SMPD3: variants seen among roughly 807,000 people sequenced by gnomAD.
The protein encoded by SMPD3 is sphingomyelin phosphodiesterase 3.
SMPD3 carries 21 observed loss-of-function variants against 55.7 expected under a neutral mutation model. The ratio of observed to expected loss-of-function variants is 0.38; its 90% confidence interval spans 0.27 to 0.54. The LOEUF is 0.54. Among genes scored for constraint, SMPD3 ranks in the 20% least tolerant of loss-of-function variants. The pLI, the probability that SMPD3 is intolerant of heterozygous loss-of-function variation, is 0.80. For synonymous variants in SMPD3, 457 were observed against 404.3 expected (o/e 1.13, Z -1.56); for missense variants, 842 against 899.6 (o/e 0.94, Z 0.82).
At chr16:68,425,190 A>G (rs1035595273) in intron 1 of SMPD3, among the ~76,000 whole-genome samples, 7 of 152,232 alleles carry the variant, frequency 4.6e-5, no homozygotes, top group Non-Finnish European at 8.8e-5. Context: ...AAGGGCCAGA[A>G]TTAGAACCTC....
chr16:68,364,501 A>G, intron 5 of SMPD3: 2 of 495,678 alleles, frequency 4.0e-6, no homozygotes, highest in South Asian at 3.1e-5. Flanking sequence ...TCTGCTTCAG[A>G]GGCCCCCAGC....
chr16:68,375,189 C>T (rs891692901), intron 2 of SMPD3, among the ~76,000 whole-genome samples: 4 of 152,090 alleles, frequency 2.6e-5, no homozygotes, highest in Non-Finnish European at 5.9e-5. Context: ...TCCTCCCAGA[C>T]ACAGCCGATT....
intron 1 of SMPD3, among the ~76,000 whole-genome samples, chr16:68,420,812 G>A (rs1028010605): frequency 2.0e-5 from 3 of 152,186 alleles, no homozygotes; most frequent in East Asian, 1.9e-4. Flanking sequence ...CACTTTGTAA[G>A]CATTAATTAA....
intron 1 of SMPD3, among the ~76,000 whole-genome samples, chr16:68,397,869 A>T (rs2090173037): frequency 6.6e-6 from 1 of 152,086 alleles, no homozygotes; most frequent in South Asian, 2.1e-4. Flanking sequence ...TCCTGGCACC[A>T]CCCCAGAGGT....
intron 2 of SMPD3, among the ~76,000 whole-genome samples, chr16:68,374,609 G>A (rs1010084435): frequency 6.6e-6 from 1 of 152,026 alleles, no homozygotes; most frequent in Admixed American, 6.5e-5. Flanking sequence ...TCTGGCTTGG[G>A]AGACTCCAGG....
At chr16:68,376,777 C>T (rs1186589598) in intron 2 of SMPD3, among the ~76,000 whole-genome samples, 1 of 152,174 alleles carries the variant, frequency 6.6e-6, no homozygotes, top group Non-Finnish European at 1.5e-5. Flanking sequence ...GGGAGTCAGC[C>T]CCGACCTAGA....
Position 68,364,906 on chromosome 16 carries a change from T to C in SMPD3, c.1400A>G (p.Glu467Gly), listed in dbSNP as rs2151974698. 1.2e-6 allele frequency: 2 copies of C among 1,613,430 alleles called. No homozygotes were observed. The highest frequency in any genetic ancestry group is 2.7e-5 in the African/African-American group (2 of 75,048). Residue 467 changes from glutamate to glycine, a missense_variant and splice_region_variant, in exon 5 of 9, where the codon GAG becomes GGG. Coordinates refer to ENST00000219334, the MANE Select transcript of SMPD3 (RefSeq NM_018667.4). ...CTGCCCACACCGGATGGCGCTGTCCTCTGCAGGGCAGAAGTACAGAGACTG... is the reference window on the plus strand; with the variant it reads ...CTGCCCACACCGGATGGCGCTGTCCCCTGCAGGGCAGAAGTACAGAGACTG... ...IACTHLHAPQ[E>G]DSAIRCGQLD...
Position 68,361,305 on chromosome 16 carries a change from C to T in SMPD3, c.1869G>A (p.Glu623=). ...GGGTGATAAAACTGAATTCTTCCAC[C>T]TCCTGGGGTGAGTGGGAGAGGGGAG... ...EEGLCPDWKA[E]VEEFSFITQL... Residue 623 remains glutamate, a splice_region_variant and synonymous_variant, in exon 9 of 9, where the codon GAG becomes GAA. Transcript: ENST00000219334. The T allele has an allele frequency of 6.2e-7, 1 of 1,610,008 alleles. No homozygotes were observed. Among genetic ancestry groups the T allele is most frequent in the Admixed American group, 1.7e-5 (1 of 59,658 alleles).
At position 68,361,141 on chromosome 16, in the gene SMPD3, G is replaced by A; in HGVS notation, c.*65C>T. On this transcript the variant is annotated 3_prime_UTR_variant, in exon 9 of 9. Transcript: ENST00000219334. ...CCCAAGCACCGGGCACTCGATGGAG[G>A]GGACATGGCCCAGGGATGGGCTGCA... The A allele has an allele frequency of 2.0e-6, 3 of 1,463,640 alleles. No individual in the cohort carries two copies. The highest frequency in any genetic ancestry group is 2.4e-5 in the East Asian group (1 of 41,986). The allele number at this position is 1,463,640 out of a possible 1,614,324, so 90.7% of individuals were successfully genotyped here. A position where few individuals can be genotyped will look rare whatever the true frequency, so the allele number is the denominator to read the frequency against.
intron 2 of SMPD3, among the ~76,000 whole-genome samples, chr16:68,377,067 T>C (rs2089835129): frequency 6.6e-6 from 1 of 152,126 alleles, no homozygotes. Flanking sequence ...GGCACGGTTC[T>C]GGGGGTCACT....
rs1233489627 is a variant in SMPD3, at chr16:68,365,049, T to C, written c.1367A>G (p.Tyr456Cys). The part of the protein sequence containing the change: ...STPQDQRIVG[Y>C]IACTHLHAPQ... ...GGCATGCAGGTGTGTGCAGGCGATG[T>C]ACCCGACGATTCTTTGGTCCTGAGG... The change falls in exon 4 of 9, where the codon TAC becomes TGC. Residue 456 changes from tyrosine (Y) to cysteine (C), a missense_variant. Coordinates refer to ENST00000219334, the MANE Select transcript of SMPD3 (RefSeq NM_018667.4). 2 of 1,614,006 alleles carry C rather than the reference T, an allele frequency of 1.2e-6. No homozygotes were observed. Among genetic ancestry groups the C allele is most frequent in the Admixed American group, 3.3e-5 (2 of 59,998 alleles).
chr16:68,392,034 G>A (rs1194249296), intron 1 of SMPD3, among the ~76,000 whole-genome samples: 3 of 151,962 alleles, frequency 2.0e-5, no homozygotes, highest in Non-Finnish European at 4.4e-5. Flanking sequence ...TGGGATTACA[G>A]GTGCCCACCA....
chr16:68,405,245 AG>A (rs1427478882), intron 1 of SMPD3, among the ~76,000 whole-genome samples: 3 of 152,060 alleles, frequency 2.0e-5, no homozygotes, highest in African/African-American at 7.2e-5. Context: ...ATTCCTTGGC[AG>A]GTTTCATTAA....
chr16:68,431,515 G>A (rs373228340), intron 1 of SMPD3, among the ~76,000 whole-genome samples: 16 of 152,168 alleles, frequency 1.1e-4, no homozygotes, highest in East Asian at 3.9e-4. Context: ...CATTTATAAT[G>A]TGCATGGGGC....
intron 2 of SMPD3, among the ~76,000 whole-genome samples, chr16:68,379,826 G>A (rs1321876993): frequency 6.6e-6 from 1 of 152,242 alleles, no homozygotes; most frequent in African/African-American, 2.4e-5. Flanking sequence ...CCTTCAACCA[G>A]CCAGCCTCGG....
At chr16:68,368,265 A>G (rs2089545079) in intron 3 of SMPD3, 2 of 150,402 alleles carry the variant, frequency 1.3e-5, no homozygotes, top group Non-Finnish European at 3.0e-5. Flanking sequence ...GGACCAAGAC[A>G]AGCAGGGGCC....
intron 1 of SMPD3, among the ~76,000 whole-genome samples, chr16:68,426,173 A>T (rs185061271): frequency 1.3e-5 from 2 of 152,330 alleles, no homozygotes; most frequent in Admixed American, 1.3e-4. Context: ...TCTAAATAGG[A>T]CGTTTACATG....
At chr16:68,387,616 A>C (rs989966660) in intron 1 of SMPD3, among the ~76,000 whole-genome samples, 7 of 152,152 alleles carry the variant, frequency 4.6e-5, no homozygotes, top group African/African-American at 1.7e-4. Flanking sequence ...CCCCTGTCTC[A>C]GGCCCAGTCT....
At chr16:68,370,049 A>G (rs565313506) in intron 3 of SMPD3, 16 of 152,360 alleles carry the variant, frequency 1.1e-4, no homozygotes, top group African/African-American at 3.1e-4. Context: ...TGCTGCATCC[A>G]CTGGCCAAAT....
Sources: gnomAD v4.1 joint callset for allele counts (sites outside exome capture counted in the v4.1 genomes callset) on GRCh38, gnomAD v4.1.1 for gene constraint, MANE v1.5 for transcripts, NCBI Gene and HGNC (gene_info 2026-07-23, HGNC 2026-07-21) for gene names.